Variants in WNT3 observed in about 807,000 individuals in gnomAD.
WNT3 encodes proto-oncogene Wnt-3.
A neutral mutation model predicts 34.2 loss-of-function variants in WNT3; 7 were observed. That is an observed-to-expected ratio of 0.20 (90% CI 0.12 to 0.38). WNT3 has a LOEUF of 0.38. Among genes scored for constraint, WNT3 ranks in the 10% least tolerant of loss-of-function variants. The pLI, the probability that WNT3 is intolerant of heterozygous loss-of-function variation, is 1.00. For synonymous variants in WNT3, 212 were observed against 211.5 expected, an observed-to-expected ratio of 1.00 and a Z score of -0.02; for missense variants, 267 against 499.8, an observed-to-expected ratio of 0.53 and a Z score of 4.44.
At chr17:46,777,082 C>T (rs1203801329) in intron 1 of WNT3, among the ~76,000 whole-genome samples, 2 of 152,194 alleles carry the variant, frequency 1.3e-5, no homozygotes, top group African/African-American at 4.8e-5. Context: ...AGGTGGCTCA[C>T]GCCTGTAATC....
intron 1 of WNT3, among the ~76,000 whole-genome samples, chr17:46,792,793 T>C (rs2084003481): frequency 6.6e-6 from 1 of 152,204 alleles, no homozygotes; most frequent in African/African-American, 2.4e-5. Flanking sequence ...TTAATAATAA[T>C]AGTTAACATT....
intron 1 of WNT3, among the ~76,000 whole-genome samples, chr17:46,817,937 A>T (rs574109061): frequency 1.3e-5 from 2 of 152,102 alleles, no homozygotes; most frequent in Non-Finnish European, 2.9e-5. Context: ...CAGAGGCTCA[A>T]GATGAATCTA....
chr17:46,818,632 C>T lies in WNT3; in HGVS notation c.-35G>A. On this transcript the variant is annotated 5_prime_UTR_variant, in exon 1 of 5. Coordinates refer to ENST00000225512, the MANE Select transcript of WNT3 (RefSeq NM_030753.5). ...CGCCGAGGAGGAAGTTTGCCCGCGA[C>T]CATGAAGAGGGGGAGCGACGCCCCC... The T allele has an allele frequency of 6.4e-7, 1 of 1,559,300 alleles. No homozygotes were observed. The highest frequency in any genetic ancestry group is 8.7e-7 in the Non-Finnish European group (1 of 1,147,204).
In WNT3 at chr17:46,763,372, TGAC is replaced by T. The variant is rs2059284655; in HGVS notation, c.*1255_*1257del. On this transcript the variant is annotated 3_prime_UTR_variant, in exon 5 of 5. Coordinates refer to ENST00000225512, the MANE Select transcript of WNT3 (RefSeq NM_030753.5). ...GAGATGCTTCACCTAAGGGAGTAGG[TGAC>T]TGCTGGTTCCCCTTTGAACTTCTAA... is the stretch of plus-strand genomic sequence containing the variant. 6.6e-6 allele frequency: 1 copy of T among 152,096 alleles called. No homozygotes were observed. Among genetic ancestry groups the T allele is most frequent in the Non-Finnish European group, 1.5e-5 (1 of 68,020 alleles). 9.4% of individuals were successfully genotyped at this position (152,096 alleles called of 1,614,324 possible). A position where few individuals can be genotyped will look rare whatever the true frequency, so the allele number is the denominator to read the frequency against.
At chr17:46,767,348 AAGCTTC>A (rs2059322531) in intron 4 of WNT3, among the ~76,000 whole-genome samples, 3 of 152,126 alleles carry the variant, frequency 2.0e-5, no homozygotes, top group Non-Finnish European at 1.5e-5. Context: ...CACTCCACCC[AAGCTTC>A]AGATCTGTCA....
intron 2 of WNT3, among the ~76,000 whole-genome samples, chr17:46,770,837 T>A (rs1282838622): frequency 6.6e-6 from 1 of 152,184 alleles, no homozygotes; most frequent in Non-Finnish European, 1.5e-5. Context: ...TGTGCTTCAT[T>A]CACATGGAAA....
At chr17:46,790,545 C>T (rs986892528) in intron 1 of WNT3, among the ~76,000 whole-genome samples, 3 of 152,088 alleles carry the variant, frequency 2.0e-5, no homozygotes, top group Non-Finnish European at 2.9e-5. Flanking sequence ...AGCTGGGGCT[C>T]CTGGGTCCTC....
intron 1 of WNT3, among the ~76,000 whole-genome samples, chr17:46,798,348 G>A (rs1274273198): frequency 6.6e-6 from 1 of 152,192 alleles, no homozygotes; most frequent in African/African-American, 2.4e-5. Context: ...GCCTAGTCAC[G>A]GTCTGGTCCT....
chr17:46,763,516 A>AG lies in WNT3; in HGVS notation c.*1113dup, dbSNP rs1479832169. 6.6e-6 allele frequency: 1 copy of AG among 152,198 alleles called. No individual in the cohort carries two copies. Among genetic ancestry groups the AG allele is most frequent in the East Asian group, 1.9e-4 (1 of 5,194 alleles). 9.4% of individuals were successfully genotyped at this position (152,198 alleles called of 1,614,324 possible). ...TACTCACATTGGCCCCAGAGAGGAA[A>AG]GGACACAGTAAGATGGGTCCGTATT... On this transcript the variant is annotated 3_prime_UTR_variant, in exon 5 of 5. Coordinates refer to ENST00000225512, the MANE Select transcript of WNT3 (RefSeq NM_030753.5).
Position 46,769,937 on chromosome 17 carries a change from T to C in WNT3, c.434A>G (p.His145Arg). ...TSTICGCDSH[H>R]KGPPGEGWKW... is the part of the protein sequence containing the mutation. Reference sequence around the variant, plus strand: ...CCAGCCTTCGCCAGGCGGCCCCTTATGATGCGAGTCACAGCCGCAAATGGT... The same window carrying C: ...CCAGCCTTCGCCAGGCGGCCCCTTACGATGCGAGTCACAGCCGCAAATGGT... Residue 145 changes from histidine to arginine, a missense_variant, in exon 3 of 5, where the codon CAT becomes CGT. Physicochemically the swap from His to Arg is conservative, Grantham distance 29. This residue lies in a region of WNT3 where 181 missense variants were observed against 391.3 expected (regional missense o/e 0.46). Transcript: ENST00000225512. 3 of 1,613,278 alleles carry C rather than the reference T, an allele frequency of 1.9e-6. No homozygotes were observed. The highest frequency in any genetic ancestry group is 2.5e-6 in the Non-Finnish European group (3 of 1,179,842).
At chr17:46,771,216 C>T (rs1234256712) in intron 2 of WNT3, among the ~76,000 whole-genome samples, 1 of 152,200 alleles carries the variant, frequency 6.6e-6, no homozygotes, top group Non-Finnish European at 1.5e-5. Flanking sequence ...GAGCTGGTCC[C>T]GCCCGCGCCC....
intron 1 of WNT3, among the ~76,000 whole-genome samples, chr17:46,802,716 A>G (rs2084141699): frequency 6.6e-6 from 1 of 152,214 alleles, no homozygotes. Context: ...CCAAAAGGAC[A>G]GGGTTCAAGT....
chr17:46,764,654 A>G (rs1300116714), intron 4 of WNT3, 33 bp from the exon 5 acceptor site: 1 of 152,294 alleles, frequency 6.6e-6, no homozygotes. Context: ...AATTAGAAAC[A>G]TAATTCCATT....
Position 46,768,827 on chromosome 17 carries a change from A to C in WNT3, c.589-28T>G. ...GGGGGAGAGAAGTGGCAGCTGGCCA[A>C]CAGACCGACCCCACGAGGGGGCACA... On this transcript the variant is annotated intron_variant, in intron 3 of 4. Transcript: ENST00000225512. This position sits in a 1 kb window ranked among gnomAD's most constrained non-coding sequence, Gnocchi z 5.0. 5 of 1,608,692 alleles carry C rather than the reference A, an allele frequency of 3.1e-6. No individual in the cohort carries two copies. The highest frequency in any genetic ancestry group is 4.2e-6 in the Non-Finnish European group (5 of 1,178,412).
intron 1 of WNT3, among the ~76,000 whole-genome samples, chr17:46,809,021 G>C (rs2084234842): frequency 6.6e-6 from 1 of 152,180 alleles, no homozygotes; most frequent in Non-Finnish European, 1.5e-5. Context: ...ACAGGCCCCA[G>C]GTTGGGCTGC....
intron 1 of WNT3, among the ~76,000 whole-genome samples, chr17:46,789,961 C>CA (rs2083960227): frequency 6.6e-6 from 1 of 152,190 alleles, no homozygotes; most frequent in African/African-American, 2.4e-5. Flanking sequence ...CTCATCCCCC[C>CA]ACGGCGCTGA....
At chr17:46,804,828 G>C (rs1189905076) in intron 1 of WNT3, among the ~76,000 whole-genome samples, 1 of 152,178 alleles carries the variant, frequency 6.6e-6, no homozygotes, top group Non-Finnish European at 1.5e-5. Context: ...CTAGAGGTTT[G>C]TAAAATGGAC....
chr17:46,785,729 A>T (rs2059498392), intron 1 of WNT3, among the ~76,000 whole-genome samples: 1 of 152,194 alleles, frequency 6.6e-6, no homozygotes, highest in South Asian at 2.1e-4. Context: ...GGGTGCGGGC[A>T]GGAGCTCAAA....
intron 1 of WNT3, among the ~76,000 whole-genome samples, chr17:46,774,605 G>A (rs2040414681): frequency 6.6e-6 from 1 of 152,208 alleles, no homozygotes; most frequent in Non-Finnish European, 1.5e-5. Flanking sequence ...TCAGAAGGGA[G>A]ATCTCAGATC....
Sources: allele counts gnomAD v4.1 joint callset (sites outside exome capture counted in the v4.1 genomes callset), GRCh38; gene constraint gnomAD v4.1.1; regional missense constraint gnomAD v4.1.1; non-coding constraint Gnocchi (gnomAD v3.1); transcripts MANE v1.5; gene names NCBI Gene and HGNC (gene_info 2026-07-23, HGNC 2026-07-21).